Variants in PARP8 observed in about 807,000 individuals in gnomAD.
The protein encoded by PARP8 is poly(ADP-ribose) polymerase family member 8.
In PARP8, 51 loss-of-function variants were observed where a neutral mutation model predicts 124.1. The observed-to-expected ratio is 0.41, with a 90% CI of 0.33 to 0.52. The LOEUF (loss-of-function observed/expected upper bound fraction) is 0.52, where lower values mean the gene tolerates loss of function less well. Among genes scored for constraint, PARP8 ranks in the 20% least tolerant of loss-of-function variants. PARP8 has a pLI of 0.21. For missense variants in PARP8, 860 were observed against 1,018.9 expected, an observed-to-expected ratio of 0.84 and a Z score of 2.12; for synonymous variants, 391 against 361.5, an observed-to-expected ratio of 1.08 and a Z score of -0.93.
intron 18 of PARP8, among the ~76,000 whole-genome samples, chr5:50,826,540 AGT>A (rs1008323924): frequency 3.9e-5 from 6 of 152,088 alleles, no homozygotes; most frequent in Non-Finnish European, 7.4e-5. Flanking sequence ...ACAACTTCCT[AGT>A]GTGTTTTCTC....
chr5:50,730,867 G>A (rs1756908676), intron 2 of PARP8, among the ~76,000 whole-genome samples: 2 of 152,140 alleles, frequency 1.3e-5, no homozygotes, highest in South Asian at 2.1e-4. Flanking sequence ...CATAAACTTA[G>A]GCATATTAAT....
rs201112077 is a variant in PARP8, at chr5:50,820,375, A to ACT, written c.1669-835_1669-834dup. On this transcript the variant is annotated intron_variant, in intron 15 of 25. Coordinates refer to ENST00000281631, the MANE Select transcript of PARP8 (RefSeq NM_024615.4). ...ACTGTAGATATGTCTGTTCAGGTGA[A>ACT]CTCTGACCATTTAGGCAGTATCAGT... Among the ~76,000 whole-genome samples, 1,139 of 152,164 alleles carry ACT rather than the reference A, an allele frequency of 7.5e-3. 13 individuals carry two copies. The highest frequency in any genetic ancestry group is 0.026 in the African/African-American group (1,070 of 41,490).
intron 3 of PARP8, among the ~76,000 whole-genome samples, chr5:50,754,120 T>TATATATATATATATATATATATAC (rs1392699889): frequency 0.016 from 92 of 5,804 alleles, 2 homozygotes; most frequent in Middle Eastern, 0.1. Flanking sequence ...AACATTCATA[T>TATATATATATATATATATATATAC]ATATATATAT....
chr5:50,820,499 A>G (rs1255408311), intron 15 of PARP8, among the ~76,000 whole-genome samples: 2 of 152,216 alleles, frequency 1.3e-5, no homozygotes, highest in Non-Finnish European at 2.9e-5. Flanking sequence ...TAGATTGTGC[A>G]GAAGAATCAT....
At chr5:50,775,160 GC>G (rs1398231601) in intron 7 of PARP8, among the ~76,000 whole-genome samples, 1 of 152,212 alleles carries the variant, frequency 6.6e-6, no homozygotes, top group Non-Finnish European at 1.5e-5. Context: ...CAGGGTGGCA[GC>G]CGGGCAGAGG....
chr5:50,829,966 T>A lies in PARP8; in HGVS notation c.2233+5T>A. 1.2e-6 allele frequency: 2 copies of A among 1,603,378 alleles called. No homozygotes were observed. The highest frequency in any genetic ancestry group is 2.2e-5 in the South Asian group (2 of 89,150). ...GCATATCATTTGGTTACTCAGGTAA[T>A]TCCTGTATTTCATTTCTAAAGTCAC... On this transcript the variant is annotated splice_donor_5th_base_variant and intron_variant, in intron 22 of 25. Coordinates refer to ENST00000281631, the MANE Select transcript of PARP8 (RefSeq NM_024615.4).
intron 14 of PARP8, among the ~76,000 whole-genome samples, chr5:50,799,081 CTTAT>C (rs1270057301): frequency 6.6e-6 from 1 of 152,034 alleles, no homozygotes; most frequent in Non-Finnish European, 1.5e-5. Flanking sequence ...TTGATGAAGT[CTTAT>C]TTATCAATTT....
chr5:50,807,328 C>A (rs527498727), intron 14 of PARP8, among the ~76,000 whole-genome samples: 2 of 152,168 alleles, frequency 1.3e-5, no homozygotes, highest in African/African-American at 4.8e-5. Flanking sequence ...AGATTTGAGT[C>A]CTGACACATA....
chr5:50,837,830 T>A lies in PARP8; in HGVS notation c.2462+2815T>A, dbSNP rs1005438548. Among the ~76,000 whole-genome samples the A allele has an allele frequency of 9.2e-5, 14 of 151,784 alleles. 1 individual carries two copies. The highest frequency in any genetic ancestry group is 3.4e-4 in the African/African-American group (14 of 41,348). ...AGAAGAGAATTAGAAGTTCAAAAAATTTTTGTTGGAAAATTCCAAAATGAA... is the reference window on the plus strand; with the variant it reads ...AGAAGAGAATTAGAAGTTCAAAAAAATTTTGTTGGAAAATTCCAAAATGAA... On this transcript the variant is annotated intron_variant, in intron 25 of 25. Transcript: ENST00000281631.
At chr5:50,809,817 G>A (rs1241904527) in intron 14 of PARP8, among the ~76,000 whole-genome samples, 1 of 151,832 alleles carries the variant, frequency 6.6e-6, no homozygotes, top group African/African-American at 2.4e-5. Flanking sequence ...GAAACAAAAA[G>A]ACCATGGCAA....
At chr5:50,706,666 TC>T (rs997737759) in intron 2 of PARP8, among the ~76,000 whole-genome samples, 4 of 152,084 alleles carry the variant, frequency 2.6e-5, no homozygotes, top group African/African-American at 9.7e-5. Flanking sequence ...ATGTAGTCTT[TC>T]CAGTTTCTGA....
chr5:50,672,657 G>C (rs1338959506), intron 2 of PARP8, among the ~76,000 whole-genome samples: 1 of 152,108 alleles, frequency 6.6e-6, no homozygotes, highest in Non-Finnish European at 1.5e-5. Context: ...GGACTCCAAG[G>C]GTAATTAATT....
At chr5:50,791,003 C>A (rs899651778) in intron 10 of PARP8, among the ~76,000 whole-genome samples, 1 of 152,000 alleles carries the variant, frequency 6.6e-6, no homozygotes, top group African/African-American at 2.4e-5. Flanking sequence ...TAATTTCATC[C>A]TCACAATAAT....
Position 50,666,882 on chromosome 5 carries a change from G to C in PARP8, c.-214G>C. 2 of 1,397,432 alleles carry C rather than the reference G, an allele frequency of 1.4e-6. No individual in the cohort carries two copies. Among genetic ancestry groups the C allele is most frequent in the Non-Finnish European group, 1.9e-6 (2 of 1,079,498 alleles). The allele number at this position is 1,397,432 out of a possible 1,614,324, so 86.6% of individuals were successfully genotyped here. On this transcript the variant is annotated 5_prime_UTR_variant, in exon 1 of 26. Transcript: ENST00000281631. The stretch of plus-strand genomic sequence containing the variant: ...GAGCAGCAGCTGGGCGGTCACATCT[G>C]GGAATGCAAAGCCGACCTCCCCCTC...
At chr5:50,825,708 A>G (rs1746269640) in intron 18 of PARP8, among the ~76,000 whole-genome samples, 3 of 152,170 alleles carry the variant, frequency 2.0e-5, no homozygotes, top group Admixed American at 2.0e-4. Context: ...TGAAAACTCC[A>G]ACTCCGTGAG....
chr5:50,837,403 C>A (rs1747701866), intron 25 of PARP8, among the ~76,000 whole-genome samples: 1 of 151,990 alleles, frequency 6.6e-6, no homozygotes, highest in Admixed American at 6.6e-5. Context: ...TAGTAGTGAG[C>A]CACCCTAATG....
chr5:50,761,247 C>T (rs1760508819), intron 5 of PARP8, among the ~76,000 whole-genome samples: 1 of 151,960 alleles, frequency 6.6e-6, no homozygotes, highest in Admixed American at 6.6e-5. Context: ...AGATGTGGCT[C>T]AGTTAATTAG....
Position 50,835,763 on chromosome 5 carries a change from T to C in PARP8, c.2462+748T>C, listed in dbSNP as rs1368991407. 2.0e-5 allele frequency among the ~76,000 whole-genome samples: 3 copies of C among 151,812 alleles called. 1 individual carries two copies. The highest frequency in any genetic ancestry group is 4.9e-5 in the African/African-American group (2 of 41,138). ...AGGCTGGCAATGCAGTACATGTCAA[T>C]GTGGGGTTTTTTTTTGGCACAGCTG... On this transcript the variant is annotated intron_variant, in intron 25 of 25. Coordinates refer to ENST00000281631, the MANE Select transcript of PARP8 (RefSeq NM_024615.4).
intron 2 of PARP8, among the ~76,000 whole-genome samples, chr5:50,728,357 T>A (rs542113111): frequency 6.6e-6 from 1 of 152,340 alleles, no homozygotes; most frequent in South Asian, 2.1e-4. Flanking sequence ...TAAAAATGAT[T>A]CTGTTGATCT....
Sources: allele counts gnomAD v4.1 joint callset (sites outside exome capture counted in the v4.1 genomes callset), GRCh38; gene constraint gnomAD v4.1.1; transcripts MANE v1.5; gene names NCBI Gene and HGNC (gene_info 2026-07-23, HGNC 2026-07-21).